Variants in GNAL observed in about 807,000 individuals in gnomAD.
GNAL encodes the protein G protein subunit alpha L, also known as guanine nucleotide-binding protein G(olf) subunit alpha.
GNAL carries 18 observed loss-of-function variants against 55.1 expected under a neutral mutation model. The observed-to-expected ratio is 0.33, with a 90% CI of 0.23 to 0.48. GNAL has a LOEUF of 0.48. GNAL is among the 20% of genes least tolerant of loss of function. The pLI, the probability that GNAL is intolerant of heterozygous loss-of-function variation, is 0.99. For synonymous variants in GNAL, 253 were observed against 237.0 expected (o/e 1.07, Z -0.62); for missense variants, 412 against 614.1 (o/e 0.67, Z 3.48).
chr18:11,752,794 G>T lies in GNAL; in HGVS notation c.377-59G>T. On this transcript the variant is annotated intron_variant, in intron 1 of 11. Transcript: ENST00000334049. The surrounding 1 kb of genome is among the most constrained non-coding windows in gnomAD (Gnocchi z 4.5). ...GAGGATTGCTCAGACCCGGCTAGTGGTGAGAGATGGCAGCGATATCCGGAC... is the reference window on the plus strand; with the variant it reads ...GAGGATTGCTCAGACCCGGCTAGTGTTGAGAGATGGCAGCGATATCCGGAC... 1.6e-6 allele frequency: 2 copies of T among 1,272,280 alleles called. 1 individual carries two copies. Among genetic ancestry groups the T allele is most frequent in the Middle Eastern group, 4.4e-4 (2 of 4,536 alleles). The allele number at this position is 1,272,280 out of a possible 1,614,324, so 78.8% of individuals were successfully genotyped here. A position where few individuals can be genotyped will look rare whatever the true frequency, so the allele number is the denominator to read the frequency against.
intron 4 of GNAL, among the ~76,000 whole-genome samples, chr18:11,795,639 T>C (rs2034359360): frequency 6.6e-6 from 1 of 152,298 alleles, no homozygotes. Context: ...AGACCTGTTT[T>C]AAATAGTCAC....
Position 11,777,817 on chromosome 18 carries a change from G to A in GNAL, c.624+23872G>A, listed in dbSNP as rs557948681. Among the ~76,000 whole-genome samples, 163 of 152,232 alleles carry A rather than the reference G, an allele frequency of 1.1e-3. 1 individual carries two copies. Among genetic ancestry groups the A allele is most frequent in the Non-Finnish European group, 4.1e-4 (28 of 68,018 alleles). Reference sequence around the variant, plus strand: ...AAGAGCTGGAGACATACGAGCTCCTGGGATCTTCATGACACCCCCATCAGG... The same window carrying A: ...AAGAGCTGGAGACATACGAGCTCCTAGGATCTTCATGACACCCCCATCAGG... On this transcript the variant is annotated intron_variant, in intron 4 of 11. Coordinates refer to ENST00000334049, the MANE Select transcript of GNAL (RefSeq NM_182978.4).
At chr18:11,839,706 A>G (rs1466675594) in intron 5 of GNAL, among the ~76,000 whole-genome samples, 1 of 152,166 alleles carries the variant, frequency 6.6e-6, no homozygotes, top group African/African-American at 2.4e-5. Flanking sequence ...GTGTATCCCT[A>G]CAATGGAATA....
rs181251531 is a variant in GNAL at position 11,827,123 on chromosome 18, A to G, written c.722+2108A>G. ...CTTAACCTCCTTCTTACCTTGTCCA[A>G]GGACAGGATGTCCCATGCTCAGTCC... On this transcript the variant is annotated intron_variant, in intron 5 of 11. Transcript: ENST00000334049. Among the ~76,000 whole-genome samples, 45 of 152,266 alleles carry G rather than the reference A, an allele frequency of 3.0e-4. No homozygotes were observed. The East Asian group carries it at 8.1e-3, about 27-fold the overall frequency.
intron 4 of GNAL, among the ~76,000 whole-genome samples, chr18:11,816,672 G>C (rs1598403209): frequency 6.6e-6 from 1 of 151,850 alleles, no homozygotes; most frequent in South Asian, 2.1e-4. Flanking sequence ...AAATTAGCTG[G>C]ATCTGATGGT....
chr18:11,735,720 A>G (rs905273959), intron 1 of GNAL, among the ~76,000 whole-genome samples: 11 of 151,100 alleles, frequency 7.3e-5, no homozygotes, highest in Non-Finnish European at 7.4e-5. Flanking sequence ...GTGCCACTGC[A>G]TTCCAGCCTG....
rs1309627003 is a variant in GNAL, at chr18:11,864,529, C to G, written c.778-4C>G. ...TCAGCTTGTTTCCCTCTTCTTGTTC[C>G]CAGGACCTCCTCAGATGCAGAGTTC... On this transcript the variant is annotated splice_polypyrimidine_tract_variant and splice_region_variant and intron_variant, in intron 6 of 11. Coordinates refer to ENST00000334049, the MANE Select transcript of GNAL (RefSeq NM_182978.4). 2 of 1,521,402 alleles carry G rather than the reference C, an allele frequency of 1.3e-6. No individual in the cohort carries two copies. Among genetic ancestry groups the G allele is most frequent in the Non-Finnish European group, 1.8e-6 (2 of 1,095,458 alleles). The allele number at this position is 1,521,402 out of a possible 1,614,324, so 94.2% of individuals were successfully genotyped here. A position where few individuals can be genotyped will look rare whatever the true frequency, so the allele number is the denominator to read the frequency against.
rs372637235 is a variant in GNAL at position 11,856,652 on chromosome 18, G to A, written c.723-5743G>A. Among the ~76,000 whole-genome samples the A allele has an allele frequency of 1.6e-4, 25 of 152,054 alleles. 1 individual carries two copies. In the South Asian group the frequency reaches 5.2e-3, roughly 31 times the overall value. On this transcript the variant is annotated intron_variant, in intron 5 of 11. Coordinates refer to ENST00000334049, the MANE Select transcript of GNAL (RefSeq NM_182978.4). ...CTCAAAATGACAATACAGGTGGGGC[G>A]TGGTGGCTCACACCTGTAATCCCAG...
chr18:11,765,228 A>G (rs1185578565), intron 4 of GNAL, among the ~76,000 whole-genome samples: 1 of 152,202 alleles, frequency 6.6e-6, no homozygotes, highest in Non-Finnish European at 1.5e-5. Context: ...TCTTACAGAA[A>G]ATGAATTAAA....
chr18:11,734,002 C>T (rs1160961725), intron 1 of GNAL, among the ~76,000 whole-genome samples: 1 of 152,090 alleles, frequency 6.6e-6, no homozygotes, highest in Non-Finnish European at 1.5e-5. Flanking sequence ...GGCCCCCAGC[C>T]TCACCAGAAG....
At position 11,751,798 on chromosome 18, in the gene GNAL, GC is replaced by G; in HGVS notation, c.377-1052del. The G allele has an allele frequency of 2.9e-6, 1 of 340,196 alleles. No individual in the cohort carries two copies. The highest frequency in any genetic ancestry group is 4.2e-6 in the Non-Finnish European group (1 of 239,848). 21.1% of individuals were successfully genotyped at this position (340,196 alleles called of 1,614,324 possible). On this transcript the variant is annotated intron_variant, in intron 1 of 11. Transcript: ENST00000334049. This position sits in a 1 kb window ranked among gnomAD's most constrained non-coding sequence, Gnocchi z 4.5. Reference sequence around the variant, plus strand: ...CTCTCCGAGAGCTCCGGGACCAGCGGCCCGGCCGCCCCCAAAGCCAGCCTCC... The same window carrying G: ...CTCTCCGAGAGCTCCGGGACCAGCGGCCGGCCGCCCCCAAAGCCAGCCTCC...
intron 4 of GNAL, among the ~76,000 whole-genome samples, chr18:11,792,965 C>T (rs1400125208): frequency 1.3e-5 from 2 of 152,174 alleles, no homozygotes; most frequent in East Asian, 1.9e-4. Flanking sequence ...GAGAAATAAT[C>T]TAGATTGAAC....
At chr18:11,730,531 A>G (rs376013531) in intron 1 of GNAL, among the ~76,000 whole-genome samples, 2 of 150,704 alleles carry the variant, frequency 1.3e-5, no homozygotes, top group Admixed American at 1.3e-4. Context: ...TGGGAGGCCA[A>G]CGCAGGTGGA....
intron 5 of GNAL, among the ~76,000 whole-genome samples, chr18:11,842,580 G>A (rs947495211): frequency 3.3e-5 from 5 of 151,914 alleles, no homozygotes; most frequent in African/African-American, 4.8e-5. Flanking sequence ...TCAGGCATTC[G>A]ATTCTCATAA....
At chr18:11,834,420 CAT>C (rs1484507218) in intron 5 of GNAL, among the ~76,000 whole-genome samples, 1 of 152,074 alleles carries the variant, frequency 6.6e-6, no homozygotes, top group Non-Finnish European at 1.5e-5. Flanking sequence ...AAAGGAGAAT[CAT>C]AAGAAATTTT....
At chr18:11,852,024 C>G (rs1284227957) in intron 5 of GNAL, 8 of 1,613,660 alleles carry the variant, frequency 5.0e-6, no homozygotes, top group African/African-American at 1.3e-5. Flanking sequence ...TGCCGCAGGG[C>G]CAGACCGGCT....
intron 1 of GNAL, among the ~76,000 whole-genome samples, chr18:11,695,686 A>G (rs2031384602): frequency 6.6e-6 from 1 of 152,180 alleles, no homozygotes; most frequent in Non-Finnish European, 1.5e-5. Context: ...TCGAATTTTA[A>G]ATCCTCAGCT....
chr18:11,797,553 G>A (rs971403823), intron 4 of GNAL, among the ~76,000 whole-genome samples: 3 of 152,110 alleles, frequency 2.0e-5, no homozygotes, highest in African/African-American at 7.2e-5. Flanking sequence ...AGACAAGCCT[G>A]GGCAACATGT....
intron 4 of GNAL, among the ~76,000 whole-genome samples, chr18:11,772,195 A>G (rs186289113): frequency 1.3e-5 from 2 of 152,348 alleles, no homozygotes; most frequent in East Asian, 3.9e-4. Flanking sequence ...TAGCAGAAAT[A>G]AATAAAAATA....
Sources: allele counts gnomAD v4.1 joint callset (sites outside exome capture counted in the v4.1 genomes callset), GRCh38; gene constraint gnomAD v4.1.1; non-coding constraint Gnocchi (gnomAD v3.1); transcripts MANE v1.5; gene names NCBI Gene and HGNC (gene_info 2026-07-23, HGNC 2026-07-21).